The following RBMS1 variants were observed in gnomAD, a reference collection of about 807,000 sequenced individuals.
RBMS1 encodes RNA-binding motif, single-stranded-interacting protein 1.
In RBMS1, 17 loss-of-function variants were observed where a neutral mutation model predicts 62.3. The ratio of observed to expected loss-of-function variants is 0.27; its 90% CI spans 0.19 to 0.41. RBMS1 has a LOEUF of 0.41. Among genes scored for constraint, RBMS1 ranks in the 10% least tolerant of loss-of-function variants. RBMS1 has a pLI of 1.00. For missense variants in RBMS1, 334 were observed against 504.5 expected (o/e 0.66, Z 3.24); for synonymous variants, 172 against 170.0 (o/e 1.01, Z -0.09).
At chr2:160,306,131 G>A (rs1241808023) in intron 4 of RBMS1, among the ~76,000 whole-genome samples, 2 of 11,800 alleles carry the variant, frequency 1.7e-4, no homozygotes, top group Non-Finnish European at 2.8e-4. Flanking sequence ...TTTCTCTCGT[G>A]TGTGTGTGTG....
intron 2 of RBMS1, among the ~76,000 whole-genome samples, chr2:160,324,907 T>TATATATATATACAC (rs1321182985): frequency 1.3e-4 from 14 of 106,804 alleles, no homozygotes; most frequent in African/African-American, 5.4e-4. Flanking sequence ...TATATATATA[T>TATATATATATACAC]ACACACACAC....
chr2:160,294,615 T>C (rs954403784), intron 6 of RBMS1, among the ~76,000 whole-genome samples: 3 of 152,204 alleles, frequency 2.0e-5, no homozygotes, highest in East Asian at 1.9e-4. Context: ...CTTTCGGGAA[T>C]TGTGTCTAAC....
At chr2:160,432,875 T>C (rs1213523503) in intron 1 of RBMS1, among the ~76,000 whole-genome samples, 1 of 151,752 alleles carries the variant, frequency 6.6e-6, no homozygotes, top group Non-Finnish European at 1.5e-5. Context: ...ATAACAAGCA[T>C]TTCACTTAAT....
At chr2:160,439,198 C>A (rs1190861983) in intron 1 of RBMS1, among the ~76,000 whole-genome samples, 1 of 151,078 alleles carries the variant, frequency 6.6e-6, no homozygotes, top group East Asian at 2.0e-4. Flanking sequence ...GGGGGCTGAC[C>A]CCCCCACCTC....
At position 160,367,322 on chromosome 2, in the gene RBMS1, T is replaced by C; in HGVS notation, c.145A>G (p.Ser49Gly). The C allele has an allele frequency of 6.2e-7, 1 of 1,614,020 alleles. No individual in the cohort carries two copies. The highest frequency in any genetic ancestry group is 8.5e-7 in the Non-Finnish European group (1 of 1,179,994). ...TCCCATCCTGAGTTGCTACTGCTGC[T>C]ACTGTTGTTATTACTGCTGGTGGTG... ...PSTTSSNNNSSSSSNSGWDQL... is the reference protein window; with the variant it reads ...PSTTSSNNNSGSSSNSGWDQL... The change falls in exon 2 of 14, where the codon AGC (serine) becomes GGC (glycine). Residue 49 changes from serine to glycine, a missense_variant. Coordinates refer to ENST00000348849, the MANE Select transcript of RBMS1 (RefSeq NM_016836.4).
intron 9 of RBMS1, chr2:160,282,508 A>G: frequency 2.8e-6 from 1 of 351,094 alleles, no homozygotes; most frequent in Non-Finnish European, 5.7e-6. Flanking sequence ...GAAGGCAAAC[A>G]ACTCCCTACA....
chr2:160,369,409 C>T (rs1693600574), intron 1 of RBMS1, among the ~76,000 whole-genome samples: 1 of 152,370 alleles, frequency 6.6e-6, no homozygotes, highest in Non-Finnish European at 1.5e-5. Context: ...ACCTGCCATC[C>T]AGCCCTACTC....
At chr2:160,416,726 TGTAATTGCTATACAATA>T (rs1197978574) in intron 1 of RBMS1, among the ~76,000 whole-genome samples, 3 of 152,184 alleles carry the variant, frequency 2.0e-5, no homozygotes, top group Non-Finnish European at 4.4e-5. Flanking sequence ...GGCCGGTCCT[TGTAATTGCTATACAATA>T]ATCATTATCA....
intron 12 of RBMS1, among the ~76,000 whole-genome samples, chr2:160,276,432 G>A (rs1265866564): frequency 1.3e-5 from 2 of 150,842 alleles, no homozygotes; most frequent in Non-Finnish European, 2.9e-5. Flanking sequence ...TCCACCAACA[G>A]GCCAGAGTCC....
At chr2:160,447,727 C>A (rs542281709) in intron 1 of RBMS1, among the ~76,000 whole-genome samples, 41 of 152,306 alleles carry the variant, frequency 2.7e-4, no homozygotes, top group East Asian at 1.9e-4. Flanking sequence ...ATTCTTTCTG[C>A]AATTCCTAAC....
At position 160,362,919 on chromosome 2, in the gene RBMS1, A is replaced by C. The variant is rs146097462; in HGVS notation, c.251+4297T>G. On this transcript the variant is annotated intron_variant, in intron 2 of 13. Coordinates refer to ENST00000348849, the MANE Select transcript of RBMS1 (RefSeq NM_016836.4). ...TACTTCCCTGGCTTTCTCAGCTTTC[A>C]AAATCAAAATCTGGTAGAGCTTCTT... Among the ~76,000 whole-genome samples the C allele has an allele frequency of 2.5e-3, 378 of 152,248 alleles. 2 individuals carry two copies. The highest frequency in any genetic ancestry group is 8.7e-3 in the African/African-American group (362 of 41,546).
At chr2:160,455,890 A>G (rs963801069) in intron 1 of RBMS1, among the ~76,000 whole-genome samples, 1 of 151,792 alleles carries the variant, frequency 6.6e-6, no homozygotes, top group Non-Finnish European at 1.5e-5. Context: ...TCACCGTGTT[A>G]GCCAGGATGG....
At chr2:160,435,668 G>C (rs577557980) in intron 1 of RBMS1, among the ~76,000 whole-genome samples, 19 of 152,002 alleles carry the variant, frequency 1.2e-4, no homozygotes, top group African/African-American at 4.1e-4. Context: ...ATCATCTCTG[G>C]CTATGAGAAA....
chr2:160,343,927 T>C (rs1167309875), intron 2 of RBMS1, among the ~76,000 whole-genome samples: 2 of 152,192 alleles, frequency 1.3e-5, no homozygotes, highest in East Asian at 1.9e-4. Context: ...AACAATATCA[T>C]AGGAATCGCA....
At chr2:160,404,477 C>T (rs1244520422) in intron 1 of RBMS1, among the ~76,000 whole-genome samples, 1 of 152,110 alleles carries the variant, frequency 6.6e-6, no homozygotes, top group Non-Finnish European at 1.5e-5. Context: ...AGCAATAAAA[C>T]AATTTGAAAA....
At chr2:160,440,096 G>A (rs1227706479) in intron 1 of RBMS1, among the ~76,000 whole-genome samples, 1 of 126,582 alleles carries the variant, frequency 7.9e-6, no homozygotes, top group Non-Finnish European at 1.7e-5. Context: ...GAGGGGAGAG[G>A]GGAGAGGGGA....
rs1176568350 is a variant in RBMS1, at chr2:160,273,289, TTG to T, written c.*1481_*1482del. 6.6e-6 allele frequency: 1 copy of T among 152,208 alleles called. No individual in the cohort carries two copies. Among genetic ancestry groups the T allele is most frequent in the Non-Finnish European group, 1.5e-5 (1 of 68,036 alleles). 9.4% of individuals were successfully genotyped at this position (152,208 alleles called of 1,614,324 possible). On this transcript the variant is annotated 3_prime_UTR_variant, in exon 14 of 14. Transcript: ENST00000348849. ...CAAATCTTCCTTCATGCTTTTTTGT[TTG>T]TGTGTGTCCATACATCAATTAAAAT...
At chr2:160,295,495 G>T (rs1381834280) in intron 6 of RBMS1, among the ~76,000 whole-genome samples, 2 of 152,176 alleles carry the variant, frequency 1.3e-5, no homozygotes, top group African/African-American at 2.4e-5. Context: ...CTGTACCCCT[G>T]CAGTAACGCT....
chr2:160,341,906 A>G (rs1465971332), intron 2 of RBMS1, among the ~76,000 whole-genome samples: 1 of 152,222 alleles, frequency 6.6e-6, no homozygotes, highest in Non-Finnish European at 1.5e-5. Flanking sequence ...ATTTATGACT[A>G]AAATTTCGTT....
Sources: gnomAD v4.1 joint callset for allele counts (sites outside exome capture counted in the v4.1 genomes callset) on GRCh38, gnomAD v4.1.1 for gene constraint, MANE v1.5 for transcripts, NCBI Gene and HGNC (gene_info 2026-07-23, HGNC 2026-07-21) for gene names.